The following ADGRL3 variants were observed in gnomAD, a reference collection of about 807,000 sequenced individuals.
ADGRL3 encodes calcium-independent alpha-latrotoxin receptor 3.
A neutral mutation model predicts 153.5 loss-of-function variants in ADGRL3; 62 were observed. That is an observed-to-expected ratio of 0.40 (90% confidence interval 0.33 to 0.50). The LOEUF is 0.50. Ranked by LOEUF, ADGRL3 falls within the 20% of genes least tolerant of loss-of-function variation. The pLI is 0.47. For missense variants in ADGRL3, 1,641 were observed against 1,859.4 expected (o/e 0.88, Z 2.16); for synonymous variants, 710 against 672.5 (o/e 1.06, Z -0.86).
intron 5 of ADGRL3, among the ~76,000 whole-genome samples, chr4:61,592,073 CAAA>C (rs34116654): frequency 2.7e-4 from 34 of 123,646 alleles, no homozygotes; most frequent in African/African-American, 7.9e-4. Context: ...GAAACTGCTT[CAAA>C]AAAAAAAAAA....
At chr4:61,361,340 G>C (rs2096279076) in intron 1 of ADGRL3, among the ~76,000 whole-genome samples, 1 of 152,130 alleles carries the variant, frequency 6.6e-6, no homozygotes, top group African/African-American at 2.4e-5. Flanking sequence ...TGAGATGAGA[G>C]GGAAGCTTTG....
chr4:61,754,001 G>C (rs2096789312), intron 8 of ADGRL3, among the ~76,000 whole-genome samples: 1 of 152,172 alleles, frequency 6.6e-6, no homozygotes, highest in South Asian at 2.1e-4. Flanking sequence ...GATACTCAAT[G>C]TATTTGGAGG....
intron 2 of ADGRL3, among the ~76,000 whole-genome samples, chr4:61,489,960 G>C (rs1453317057): frequency 6.6e-6 from 1 of 152,006 alleles, no homozygotes; most frequent in Non-Finnish European, 1.5e-5. Flanking sequence ...CAATCAAAAT[G>C]AATTTATATT....
intron 1 of ADGRL3, among the ~76,000 whole-genome samples, chr4:61,271,217 C>T (rs1439747251): frequency 6.6e-6 from 1 of 151,874 alleles, no homozygotes. Context: ...AATCTTTGCT[C>T]TTCACAGTTG....
intron 21 of ADGRL3, among the ~76,000 whole-genome samples, chr4:62,005,999 CACACATATATATATAT>C (rs1415531178): frequency 7.3e-5 from 6 of 82,614 alleles, no homozygotes; most frequent in Non-Finnish European, 9.7e-5. Flanking sequence ...CACACACACA[CACACATATATATATAT>C]ATATATATAT....
At chr4:61,752,769 C>CA (rs2096772696) in intron 8 of ADGRL3, among the ~76,000 whole-genome samples, 2 of 151,900 alleles carry the variant, frequency 1.3e-5, no homozygotes, top group South Asian at 2.1e-4. Context: ...CTCGTTTCTA[C>CA]AAAAAAATGC....
chr4:61,233,159 TAAC>T (rs1258069838), intron 1 of ADGRL3, among the ~76,000 whole-genome samples: 2 of 152,208 alleles, frequency 1.3e-5, no homozygotes, highest in African/African-American at 4.8e-5. Context: ...GTAATAATAA[TAAC>T]ATCATCTAAT....
chr4:61,781,614 T>C (rs1043477539), intron 8 of ADGRL3, among the ~76,000 whole-genome samples: 1 of 152,198 alleles, frequency 6.6e-6, no homozygotes, highest in African/African-American at 2.4e-5. Flanking sequence ...CAGTCATTGA[T>C]TTTTGTTACT....
chr4:61,340,884 C>T (rs898067586), intron 1 of ADGRL3, among the ~76,000 whole-genome samples: 26 of 150,764 alleles, frequency 1.7e-4, no homozygotes, highest in Non-Finnish European at 5.9e-5. Context: ...CAATATATAC[C>T]AATATGTTTT....
intron 17 of ADGRL3, among the ~76,000 whole-genome samples, chr4:61,954,187 C>T (rs1262711431): frequency 1.3e-5 from 2 of 152,076 alleles, no homozygotes; most frequent in African/African-American, 4.8e-5. Flanking sequence ...TAAAAGGCTA[C>T]TCTGTTCTTT....
At position 61,940,007 on chromosome 4, in the gene ADGRL3, G is replaced by A. The variant is rs189281993; in HGVS notation, c.2419+3962G>A. Among the ~76,000 whole-genome samples the A allele has an allele frequency of 3.7e-3, 539 of 144,820 alleles. 11 individuals carry two copies. The East Asian group carries it at 0.11, about 28-fold the overall frequency. ...AGGTTAGTTACATATGTATACATGT[G>A]CCATGCTGGTGCGCTGCACCCACTA... On this transcript the variant is annotated intron_variant, in intron 15 of 26. Transcript: ENST00000683033.
intron 4 of ADGRL3, among the ~76,000 whole-genome samples, chr4:61,563,459 A>AG (rs1395969718): frequency 6.6e-5 from 10 of 151,986 alleles, no homozygotes; most frequent in Non-Finnish European, 1.2e-4. Flanking sequence ...GTCACCAGCT[A>AG]CATTAGCCTT....
intron 9 of ADGRL3, among the ~76,000 whole-genome samples, chr4:61,886,184 T>C (rs1287461581): frequency 6.6e-6 from 1 of 152,202 alleles, no homozygotes; most frequent in Non-Finnish European, 1.5e-5. Context: ...GATAATTTCA[T>C]GACCGATAAT....
intron 3 of ADGRL3, among the ~76,000 whole-genome samples, chr4:61,516,827 CAAAT>C (rs1304053854): frequency 1.3e-5 from 2 of 151,942 alleles, no homozygotes; most frequent in East Asian, 1.9e-4. Flanking sequence ...TCAAACAAAA[CAAAT>C]AAACAAACAA....
chr4:61,816,189 T>A lies in ADGRL3; in HGVS notation c.1480+2300T>A, dbSNP rs554704250. The stretch of plus-strand genomic sequence containing the variant: ...AATATGATTTGAAAAAGAGTACTAC[T>A]TTAGGGTCATGGATAAGACAGTATA... On this transcript the variant is annotated intron_variant, in intron 9 of 26. Transcript: ENST00000683033. 3.3e-5 allele frequency among the ~76,000 whole-genome samples: 5 copies of A among 152,300 alleles called. No individual in the cohort carries two copies. The South Asian group carries it at 1.0e-3, about 32-fold the overall frequency.
intron 6 of ADGRL3, among the ~76,000 whole-genome samples, chr4:61,704,031 A>G (rs1270019994): frequency 6.6e-6 from 1 of 152,132 alleles, no homozygotes; most frequent in East Asian, 1.9e-4. Flanking sequence ...AGAAGACCTA[A>G]TGTGTAACCA....
intron 2 of ADGRL3, among the ~76,000 whole-genome samples, chr4:61,383,739 G>T (rs1449589802): frequency 6.6e-6 from 1 of 151,678 alleles, no homozygotes. Context: ...TAAAAATTAT[G>T]TTATTTATCA....
intron 4 of ADGRL3, among the ~76,000 whole-genome samples, chr4:61,527,052 T>A (rs912048612): frequency 2.6e-5 from 4 of 152,056 alleles, no homozygotes; most frequent in African/African-American, 9.7e-5. Flanking sequence ...TGCAACACAT[T>A]TTTTAGACAT....
At chr4:61,483,735 C>G (rs551878828) in intron 2 of ADGRL3, among the ~76,000 whole-genome samples, 57 of 150,330 alleles carry the variant, frequency 3.8e-4, no homozygotes, top group Admixed American at 3.7e-3. Context: ...AAAATTCTGT[C>G]AAAAAAATAA....
Sources: allele counts gnomAD v4.1 joint callset (sites outside exome capture counted in the v4.1 genomes callset), GRCh38; gene constraint gnomAD v4.1.1; transcripts MANE v1.5; gene names NCBI Gene and HGNC (gene_info 2026-07-23, HGNC 2026-07-21).